Variants in BMPR1B observed in about 807,000 individuals in gnomAD.
BMPR1B encodes the protein bone morphogenetic protein receptor type-1B.
A neutral mutation model predicts 59.1 loss-of-function variants in BMPR1B; 12 were observed. That is an observed-to-expected ratio of 0.20 (90% CI 0.13 to 0.33). The LOEUF is 0.33. Ranked by LOEUF, BMPR1B falls within the 10% of genes least tolerant of loss-of-function variation. The pLI is 1.00. For synonymous variants in BMPR1B, 237 were observed against 207.3 expected (o/e 1.14, Z -1.23); for missense variants, 550 against 610.9 (o/e 0.90, Z 1.05).
At chr4:95,133,959 T>A (rs1733575627) in intron 10 of BMPR1B, among the ~76,000 whole-genome samples, 1 of 151,930 alleles carries the variant, frequency 6.6e-6, no homozygotes, top group Admixed American at 6.6e-5. Context: ...ACGTGTGCCA[T>A]GTTGGTGTGA....
chr4:94,830,638 A>G (rs1006528890), intron 1 of BMPR1B, among the ~76,000 whole-genome samples: 2 of 152,222 alleles, frequency 1.3e-5, no homozygotes, highest in Non-Finnish European at 2.9e-5. Flanking sequence ...AAAATTCATA[A>G]AATAATCATG....
At chr4:94,862,287 C>G (rs769074599) in intron 1 of BMPR1B, among the ~76,000 whole-genome samples, 2 of 151,628 alleles carry the variant, frequency 1.3e-5, no homozygotes, top group Non-Finnish European at 2.9e-5. Context: ...GTAGCTGGCA[C>G]TACAGGCATG....
At chr4:94,932,836 A>G (rs576727127) in intron 2 of BMPR1B, among the ~76,000 whole-genome samples, 1 of 152,244 alleles carries the variant, frequency 6.6e-6, no homozygotes, top group Non-Finnish European at 1.5e-5. Flanking sequence ...GCTAGGTCTG[A>G]CGGTTATATC....
chr4:95,113,503 A>G (rs1731779668), intron 4 of BMPR1B, among the ~76,000 whole-genome samples: 1 of 152,190 alleles, frequency 6.6e-6, no homozygotes, highest in African/African-American at 2.4e-5. Flanking sequence ...TATCGTTCTC[A>G]GAGCTTTATT....
intron 3 of BMPR1B, among the ~76,000 whole-genome samples, chr4:95,024,393 T>C (rs1269423371): frequency 6.6e-6 from 1 of 152,202 alleles, no homozygotes; most frequent in Non-Finnish European, 1.5e-5. Flanking sequence ...AGAATTCTCC[T>C]ATGTCCTCCT....
At chr4:94,923,342 G>A (rs1728773807) in intron 2 of BMPR1B, among the ~76,000 whole-genome samples, 1 of 152,068 alleles carries the variant, frequency 6.6e-6, no homozygotes, top group Admixed American at 6.6e-5. Flanking sequence ...ACCTACAGTT[G>A]GGATGTGAAT....
chr4:95,133,605 T>A lies in BMPR1B; in HGVS notation c.1076+2093T>A, dbSNP rs986755349. 4.6e-5 allele frequency among the ~76,000 whole-genome samples: 7 copies of A among 152,292 alleles called. No individual in the cohort carries two copies. In the East Asian group the frequency reaches 1.4e-3, roughly 29 times the overall value. ...TTTTATTTTTTAGACAAAGAGTGGC[T>A]CTGTCACCCAGACTGGAGTGCAGTG... is the stretch of plus-strand genomic sequence containing the variant. On this transcript the variant is annotated intron_variant, in intron 10 of 12. Coordinates refer to ENST00000515059, the MANE Select transcript of BMPR1B (RefSeq NM_001203.3).
intron 3 of BMPR1B, among the ~76,000 whole-genome samples, chr4:95,098,820 C>T (rs917703831): frequency 1.3e-5 from 2 of 151,928 alleles, no homozygotes; most frequent in Admixed American, 6.6e-5. Flanking sequence ...AGGTTCACAC[C>T]ATTCTCCTGC....
At chr4:95,005,168 A>AT (rs1722732851) in intron 3 of BMPR1B, among the ~76,000 whole-genome samples, 2 of 152,194 alleles carry the variant, frequency 1.3e-5, no homozygotes, top group Non-Finnish European at 2.9e-5. Flanking sequence ...AGTTAAAAGG[A>AT]AATGTGATAT....
chr4:95,068,028 A>G (rs960688436), intron 3 of BMPR1B, among the ~76,000 whole-genome samples: 7 of 152,304 alleles, frequency 4.6e-5, no homozygotes, highest in Non-Finnish European at 8.8e-5. Flanking sequence ...CTAAAAGAGC[A>G]TGGCACTGCT....
At chr4:94,822,751 T>G (rs1369560139) in intron 1 of BMPR1B, among the ~76,000 whole-genome samples, 2 of 152,160 alleles carry the variant, frequency 1.3e-5, no homozygotes, top group Non-Finnish European at 2.9e-5. Flanking sequence ...ATTCCAGGAA[T>G]GCACTCTGAC....
intron 3 of BMPR1B, among the ~76,000 whole-genome samples, chr4:95,071,767 A>G (rs1728318864): frequency 6.6e-6 from 1 of 151,318 alleles, no homozygotes; most frequent in African/African-American, 2.4e-5. Flanking sequence ...AGGGCCTGAG[A>G]TACTTCAGAT....
At chr4:95,032,510 T>C (rs1296939400) in intron 3 of BMPR1B, among the ~76,000 whole-genome samples, 1 of 151,144 alleles carries the variant, frequency 6.6e-6, no homozygotes. Flanking sequence ...TTTATATCTA[T>C]TAAACAACTA....
chr4:94,922,241 C>A (rs1281737595), intron 2 of BMPR1B, among the ~76,000 whole-genome samples: 1 of 152,094 alleles, frequency 6.6e-6, no homozygotes, highest in Non-Finnish European at 1.5e-5. Flanking sequence ...TCCCAAAATG[C>A]TGGGATTACA....
At chr4:95,030,063 G>A (rs546969291) in intron 3 of BMPR1B, among the ~76,000 whole-genome samples, 1 of 151,334 alleles carries the variant, frequency 6.6e-6, no homozygotes, top group African/African-American at 2.4e-5. Context: ...CCATTTTGTA[G>A]GTTGCCTGTT....
chr4:94,987,810 A>G (rs965851245), intron 2 of BMPR1B, among the ~76,000 whole-genome samples: 2 of 152,078 alleles, frequency 1.3e-5, no homozygotes, highest in Admixed American at 6.6e-5. Context: ...ATTGTTAATT[A>G]TGGGTATCTG....
At chr4:94,864,433 G>A (rs1726123447) in intron 1 of BMPR1B, among the ~76,000 whole-genome samples, 1 of 152,144 alleles carries the variant, frequency 6.6e-6, no homozygotes, top group Admixed American at 6.5e-5. Flanking sequence ...AAAGGCGGAG[G>A]TGTAGAACAA....
At chr4:95,135,680 T>C (rs1231579475) in intron 10 of BMPR1B, among the ~76,000 whole-genome samples, 2 of 152,234 alleles carry the variant, frequency 1.3e-5, no homozygotes, top group African/African-American at 2.4e-5. Flanking sequence ...TATTTGTGTA[T>C]AAGAATGCTT....
At chr4:94,795,807 A>C (rs536825025) in intron 1 of BMPR1B, among the ~76,000 whole-genome samples, 1 of 152,188 alleles carries the variant, frequency 6.6e-6, no homozygotes, top group Non-Finnish European at 1.5e-5. Context: ...ACTCCTGAGT[A>C]CACTAAAATG....
Sources: gnomAD v4.1 joint callset for allele counts (sites outside exome capture counted in the v4.1 genomes callset) on GRCh38, gnomAD v4.1.1 for gene constraint, MANE v1.5 for transcripts, NCBI Gene and HGNC (gene_info 2026-07-23, HGNC 2026-07-21) for gene names.